The following IL12RB1 variants were observed in gnomAD, a reference collection of about 807,000 sequenced individuals.
IL12RB1 encodes interleukin-12 receptor subunit beta-1.
IL12RB1 carries 64 observed loss-of-function variants against 94.4 expected under a neutral mutation model. The observed-to-expected ratio is 0.68, with a 90% CI of 0.55 to 0.83. The LOEUF is 0.83. Among genes scored for constraint, IL12RB1 ranks in the 40% least tolerant of loss-of-function variants. IL12RB1 has a pLI of 0.00. For synonymous variants in IL12RB1, 362 were observed against 355.5 expected (o/e 1.02, Z -0.21); for missense variants, 814 against 855.6 (o/e 0.95, Z 0.61).
Position 18,082,167 on chromosome 19 carries a change from G to C in IL12RB1, c.222C>G (p.Ser74Arg), listed in dbSNP as rs11575925. Residue 74 changes from serine (S) to arginine (R), a missense_variant, in exon 3 of 17, where the codon AGC (serine) becomes AGG (arginine). Coordinates refer to ENST00000593993, the MANE Select transcript of IL12RB1 (RefSeq NM_005535.3). ...WQYEGPTAGV[S>R]HFLRCCLSSG... ...GTCCTCACCAACACCGCAGGAAGTG[G>C]CTGACCCCAGCTGTGGGACCCTCAT... The C allele has an allele frequency of 2.8e-3, 4,493 of 1,610,222 alleles. 13 individuals carry two copies. Among genetic ancestry groups the C allele is most frequent in the Non-Finnish European group, 3.2e-3 (3,804 of 1,176,630 alleles).
chr19:18,073,412 T>C, intron 8 of IL12RB1, 105 bp downstream of exon 8: 4 of 772,558 alleles, frequency 5.2e-6, no homozygotes, highest in Non-Finnish European at 9.4e-6. Flanking sequence ...CTGCCACCTC[T>C]ACATCTCATC....
At position 18,069,556 on chromosome 19, in the gene IL12RB1, C is replaced by T. The variant is rs145095951; in HGVS notation, c.1179G>A (p.Pro393=). 20 of 1,608,590 alleles carry T rather than the reference C, an allele frequency of 1.2e-5. No individual in the cohort carries two copies. Among genetic ancestry groups the T allele is most frequent in the African/African-American group, 6.7e-5 (5 of 74,934 alleles). ...ATTCCAGGCCATTACCCATTCCAGC[C>T]GGATCCGGGTCTTGCGGCGCAGTCA... ...CSLTAPQDPD[P]AGMATYSWSR... Residue 393 remains proline (P), a synonymous_variant, in exon 10 of 17, where the codon CCG becomes CCA. Coordinates refer to ENST00000593993, the MANE Select transcript of IL12RB1 (RefSeq NM_005535.3).
rs770102110 is a variant in IL12RB1 at position 18,061,171 on chromosome 19, A to T, written c.1742T>A (p.Leu581Gln). 1 of 1,598,148 alleles carries T rather than the reference A, an allele frequency of 6.3e-7. No individual in the cohort carries two copies. The highest frequency in any genetic ancestry group is 1.7e-5 in the Admixed American group (1 of 57,848). The change falls in exon 15 of 17, where the codon CTG becomes CAG. Residue 581 changes from leucine to glutamine, a missense_variant. By Grantham distance (113) the Leu-to-Gln change is moderately radical. Transcript: ENST00000593993. The part of the protein sequence containing the change: ...NRAARHLCPP[L>Q]PTPCASSAIE... ...GGCGGAGCTGGCACAGGGTGTGGGC[A>T]GCGGCGGGCACAGGTGCCGTGCGGC...
In IL12RB1 at chr19:18,086,894, C is replaced by T; in HGVS notation, c.-71G>A. 6.3e-7 allele frequency: 1 copy of T among 1,576,320 alleles called. No individual in the cohort carries two copies. The highest frequency in any genetic ancestry group is 8.6e-7 in the Non-Finnish European group (1 of 1,160,178). Reference sequence around the variant, plus strand: ...CCTGCGAGGTTCAGCCACCCCGTCCCCACTCCGGAACACATTGAAGCTGAG... The same window carrying T: ...CCTGCGAGGTTCAGCCACCCCGTCCTCACTCCGGAACACATTGAAGCTGAG... On this transcript the variant is annotated 5_prime_UTR_variant, in exon 1 of 17. Transcript: ENST00000593993.
In IL12RB1 at chr19:18,059,838, C is replaced by A. The variant is rs758963566; in HGVS notation, c.1983+56G>T. On this transcript the variant is annotated intron_variant, in intron 16 of 16. Coordinates refer to ENST00000593993, the MANE Select transcript of IL12RB1 (RefSeq NM_005535.3). The stretch of plus-strand genomic sequence containing the variant: ...CCAGGAGCGATGGATGTCTAGCCCC[C>A]CCACCCCCCGGGCAGGGTTGCACCC... The A allele has an allele frequency of 2.5e-4, 262 of 1,043,514 alleles. 1 individual carries two copies. The highest frequency in any genetic ancestry group is 4.0e-4 in the Middle Eastern group (2 of 5,000). 64.6% of individuals were successfully genotyped at this position (1,043,514 alleles called of 1,614,324 possible).
At chr19:18,085,086 C>T (rs1226641818) in intron 1 of IL12RB1, among the ~76,000 whole-genome samples, 1 of 152,186 alleles carries the variant, frequency 6.6e-6, no homozygotes, top group African/African-American at 2.4e-5. Context: ...TTGGGATTGC[C>T]ACAGTCTGCT....
chr19:18,082,093 G>A, intron 3 of IL12RB1, 57 bp downstream of exon 3: 1 of 1,086,624 alleles, frequency 9.2e-7, no homozygotes, highest in Admixed American at 1.8e-5. Flanking sequence ...ACCAGAGGGG[G>A]TTGAAGCAAG....
At chr19:18,078,263 C>T (rs555811781) in intron 4 of IL12RB1, among the ~76,000 whole-genome samples, 1 of 152,048 alleles carries the variant, frequency 6.6e-6, no homozygotes, top group South Asian at 2.1e-4. Context: ...AAAAATTAGC[C>T]AGGCATGGTG....
chr19:18,064,090 T>A, intron 12 of IL12RB1, 80 bp from the exon 13 acceptor site: 1 of 916,400 alleles, frequency 1.1e-6, no homozygotes, highest in Non-Finnish European at 1.8e-6. Context: ...AGCCTGTGGG[T>A]GGGGTGGGGA....
chr19:18,060,011 G>A lies in IL12RB1; in HGVS notation c.1866C>T (p.Ser622=). The change falls in exon 16 of 17, where the codon TCC becomes TCT. Residue 622 remains serine, a synonymous_variant. Transcript: ENST00000593993. ...SLQEALVVEM[S]WDKGERTEPL... is the part of the protein sequence containing the mutation. The stretch of plus-strand genomic sequence containing the variant: ...GCTCAGTCCTCTCGCCTTTGTCCCA[G>A]GACATCTCTACCACCAGGGCCTCCT... 2 of 1,603,672 alleles carry A rather than the reference G, an allele frequency of 1.2e-6. No homozygotes were observed. The highest frequency in any genetic ancestry group is 8.5e-7 in the Non-Finnish European group (1 of 1,172,390).
At chr19:18,061,879 A>AT (rs71164360) in intron 14 of IL12RB1, among the ~76,000 whole-genome samples, 1 of 150,760 alleles carries the variant, frequency 6.6e-6, no homozygotes, top group Non-Finnish European at 1.5e-5. Context: ...GAAAAAAAAA[A>AT]GAAAGAAATT....
At chr19:18,079,264 C>T (rs1021761179) in intron 4 of IL12RB1, among the ~76,000 whole-genome samples, 2 of 151,920 alleles carry the variant, frequency 1.3e-5, no homozygotes, top group African/African-American at 4.8e-5. Flanking sequence ...CCACCACACT[C>T]GGCTAATTTT....
intron 1 of IL12RB1, among the ~76,000 whole-genome samples, chr19:18,094,680 A>G (rs1298759816): frequency 6.6e-6 from 1 of 152,162 alleles, no homozygotes; most frequent in African/African-American, 2.4e-5. Flanking sequence ...CCTGGGTAAC[A>G]TGGCGAAACC....
At chr19:18,076,039 AC>A (rs35555837) in intron 6 of IL12RB1, among the ~76,000 whole-genome samples, 171 bp from the exon 7 acceptor site, 1 of 152,020 alleles carries the variant, frequency 6.6e-6, no homozygotes, top group Non-Finnish European at 1.5e-5. Flanking sequence ...CTCCAGGATC[AC>A]CCACGTCCAT....
At chr19:18,071,089 T>C (rs550754340) in intron 9 of IL12RB1, 1 of 247,192 alleles carries the variant, frequency 4.0e-6, no homozygotes, top group Non-Finnish European at 8.0e-6. Flanking sequence ...ATACAAAAAT[T>C]AGGCTGGGCA....
rs573041327 is a variant in IL12RB1 at position 18,086,857 on chromosome 19, G to T, written c.-34C>A. 1.1e-5 allele frequency: 18 copies of T among 1,597,132 alleles called. No individual in the cohort carries two copies. The South Asian group carries it at 2.0e-4, about 18-fold the overall frequency. ...CGTAGAGCCCCACAGCCCCAGGGGA[G>T]CCTCTCTGCCACCTGCGAGGTTCAG... On this transcript the variant is annotated 5_prime_UTR_variant, in exon 1 of 17. Transcript: ENST00000593993.
Position 18,084,283 on chromosome 19 carries a change from T to TATCCATCC in IL12RB1, c.65-800_65-793dup, listed in dbSNP as rs201729346. Among the ~76,000 whole-genome samples, 1,040 of 129,566 alleles carry TATCCATCC rather than the reference T, an allele frequency of 8.0e-3. 4 individuals are homozygous for TATCCATCC. The highest frequency in any genetic ancestry group is 8.4e-3 in the African/African-American group (284 of 33,778). The allele number at this position is 129,566 out of a possible 152,430, so 85.0% of individuals were successfully genotyped here. On this transcript the variant is annotated intron_variant, in intron 1 of 16. Transcript: ENST00000593993. ...TCCATCCATCCACCCCCCATCCATC[T>TATCCATCC]ATCCATCCATCCATCCATCCATCCA...
intron 7 of IL12RB1, among the ~76,000 whole-genome samples, chr19:18,075,177 C>T (rs1320683084): frequency 1.3e-5 from 2 of 151,842 alleles, no homozygotes; most frequent in African/African-American, 4.8e-5. Context: ...TCTCCCTCTG[C>T]CTTATTTCTA....
chr19:18,062,703 C>T (rs17878594), intron 13 of IL12RB1, among the ~76,000 whole-genome samples: 16,878 of 145,412 alleles, frequency 0.12, 1,049 homozygotes, highest in East Asian at 0.26. Context: ...ACTCGGGAGG[C>T]GGAGGTTGCA....
Sources: allele counts gnomAD v4.1 joint callset (sites outside exome capture counted in the v4.1 genomes callset), GRCh38; gene constraint gnomAD v4.1.1; transcripts MANE v1.5; gene names NCBI Gene and HGNC (gene_info 2026-07-23, HGNC 2026-07-21).